RIMS2: variants seen among roughly 807,000 people sequenced by gnomAD.
The protein encoded by RIMS2 is regulating synaptic membrane exocytosis 2, also known as regulating synaptic membrane exocytosis protein 2.
Under a neutral mutation model 174.4 loss-of-function variants are expected in RIMS2, and 59 were observed. The ratio of observed to expected loss-of-function variants is 0.34; its 90% CI spans 0.27 to 0.42. The LOEUF is 0.42. RIMS2 is among the 10% of genes least tolerant of loss of function. RIMS2 has a pLI of 1.00. For synonymous variants in RIMS2, 606 were observed against 572.5 expected (o/e 1.06, Z -0.84); for missense variants, 1,620 against 1,666.3 (o/e 0.97, Z 0.48).
chr8:103,666,829 G>A (rs1180380484), intron 1 of RIMS2, among the ~76,000 whole-genome samples: 1 of 152,124 alleles, frequency 6.6e-6, no homozygotes, highest in African/African-American at 2.4e-5. Context: ...TAGGGCATTA[G>A]CACTACTCTT....
At chr8:104,004,765 G>T (rs914541579) in intron 17 of RIMS2, among the ~76,000 whole-genome samples, 1 of 152,130 alleles carries the variant, frequency 6.6e-6, no homozygotes, top group African/African-American at 2.4e-5. Flanking sequence ...GAGGTCATCA[G>T]ACTAAACACA....
At chr8:103,824,176 T>C (rs974585996) in intron 3 of RIMS2, among the ~76,000 whole-genome samples, 1 of 152,140 alleles carries the variant, frequency 6.6e-6, no homozygotes, top group Non-Finnish European at 1.5e-5. Flanking sequence ...GCATTTTCTT[T>C]ATTGAAAGAA....
At chr8:103,692,912 C>A (rs976649537) in intron 1 of RIMS2, among the ~76,000 whole-genome samples, 1 of 152,212 alleles carries the variant, frequency 6.6e-6, no homozygotes, top group Non-Finnish European at 1.5e-5. Flanking sequence ...CTCCCCTCAT[C>A]CACTGGCTTT....
At chr8:103,863,908 G>GTTTTTTTTT (rs1564980820) in intron 3 of RIMS2, among the ~76,000 whole-genome samples, 18 of 74,688 alleles carry the variant, frequency 2.4e-4, no homozygotes, top group Non-Finnish European at 4.3e-4. Flanking sequence ...TGTTTTTTTT[G>GTTTTTTTTT]TTTGTTTGTT....
rs1046108979 is a variant in RIMS2, at chr8:104,081,681, A to C, written c.3334+67066A>C. 3.3e-5 allele frequency among the ~76,000 whole-genome samples: 5 copies of C among 152,082 alleles called. No individual in the cohort carries two copies. The East Asian group carries it at 9.6e-4, about 29-fold the overall frequency. On this transcript the variant is annotated intron_variant, in intron 19 of 23. Coordinates refer to ENST00000504942, the Ensembl canonical transcript of RIMS2. Reference sequence around the variant, plus strand: ...TAAAAGTGAAAAAAAAGTTTAATGAAAAGAAATAGACCTTATAATAACAAG... The same window carrying C: ...TAAAAGTGAAAAAAAAGTTTAATGACAAGAAATAGACCTTATAATAACAAG...
intron 3 of RIMS2, among the ~76,000 whole-genome samples, chr8:103,864,947 G>T (rs2099077487): frequency 6.6e-6 from 1 of 151,990 alleles, no homozygotes; most frequent in African/African-American, 2.4e-5. Context: ...CATCCAGTAA[G>T]GCAAATGAGT....
intron 1 of RIMS2, among the ~76,000 whole-genome samples, chr8:103,508,927 A>G (rs1825101298): frequency 6.6e-6 from 1 of 152,030 alleles, no homozygotes; most frequent in Non-Finnish European, 1.5e-5. Flanking sequence ...GTAACTGACT[A>G]CTGTACATAA....
At chr8:103,871,855 C>A (rs1345354719) in intron 3 of RIMS2, among the ~76,000 whole-genome samples, 3 of 152,000 alleles carry the variant, frequency 2.0e-5, no homozygotes, top group African/African-American at 7.2e-5. Flanking sequence ...AGAACGAATT[C>A]TTTCTTTCTC....
intron 1 of RIMS2, among the ~76,000 whole-genome samples, chr8:103,612,481 AC>A (rs2095403696): frequency 1.3e-5 from 2 of 152,176 alleles, no homozygotes; most frequent in South Asian, 4.1e-4. Flanking sequence ...GCCCAATACC[AC>A]CGTGGTTCTT....
At chr8:103,891,531 G>A (rs1453244230) in intron 4 of RIMS2, among the ~76,000 whole-genome samples, 1 of 152,024 alleles carries the variant, frequency 6.6e-6, no homozygotes, top group East Asian at 1.9e-4. Context: ...CTGCACAAAA[G>A]ATGCCCCATT....
intron 1 of RIMS2, among the ~76,000 whole-genome samples, chr8:103,621,727 C>G (rs569079149): frequency 6.6e-6 from 1 of 152,232 alleles, no homozygotes; most frequent in Non-Finnish European, 1.5e-5. Context: ...TCTCTGGGAC[C>G]CACAATTTTT....
chr8:103,875,709 T>C (rs2099133053), intron 3 of RIMS2, among the ~76,000 whole-genome samples: 2 of 152,136 alleles, frequency 1.3e-5, no homozygotes, highest in Non-Finnish European at 2.9e-5. Context: ...GAGGCTGTAC[T>C]AATTTACATT....
At chr8:103,808,631 C>T (rs1496853) in intron 3 of RIMS2, among the ~76,000 whole-genome samples, 47,743 of 151,938 alleles carry the variant, frequency 0.31, 8,526 homozygotes, top group East Asian at 0.77. Flanking sequence ...CTTTAGCATT[C>T]TTTGTCTCAG....
chr8:104,246,346 T>A (rs1215590299), intron 20 of RIMS2, among the ~76,000 whole-genome samples: 1 of 152,168 alleles, frequency 6.6e-6, no homozygotes, highest in African/African-American at 2.4e-5. Flanking sequence ...CTTTTTATTT[T>A]TTTTGTTTGT....
intron 10 of RIMS2, among the ~76,000 whole-genome samples, chr8:103,923,155 A>T (rs548710031): frequency 6.6e-6 from 1 of 151,898 alleles, no homozygotes; most frequent in African/African-American, 2.4e-5. Flanking sequence ...TTCTTCTACT[A>T]TACTATAAAA....
intron 3 of RIMS2, among the ~76,000 whole-genome samples, chr8:103,770,795 C>A (rs57633525): frequency 1.3e-5 from 2 of 151,976 alleles, no homozygotes; most frequent in East Asian, 3.9e-4. Context: ...GTCTCTCTTT[C>A]TTCTTTCTTA....
chr8:104,176,333 AAAC>A (rs1368051654), intron 19 of RIMS2, among the ~76,000 whole-genome samples: 1 of 152,094 alleles, frequency 6.6e-6, no homozygotes, highest in African/African-American at 2.4e-5. Flanking sequence ...TTGGTTGTAA[AAAC>A]AAGCTGAATC....
At chr8:103,973,187 CAGTG>C (rs1359230210) in intron 15 of RIMS2, among the ~76,000 whole-genome samples, 1 of 152,200 alleles carries the variant, frequency 6.6e-6, no homozygotes, top group Non-Finnish European at 1.5e-5. Context: ...TATTGGGACA[CAGTG>C]AGAGCACTGG....
At chr8:103,689,302 T>G (rs139585976) in intron 1 of RIMS2, among the ~76,000 whole-genome samples, 467 of 152,240 alleles carry the variant, frequency 3.1e-3, no homozygotes, top group Non-Finnish European at 5.1e-3. Flanking sequence ...GAATGATCCA[T>G]GTGCTGAGGG....
Sources: gnomAD v4.1 joint callset for allele counts (sites outside exome capture counted in the v4.1 genomes callset) on GRCh38, gnomAD v4.1.1 for gene constraint, MANE v1.5 for transcripts, NCBI Gene and HGNC (gene_info 2026-07-23, HGNC 2026-07-21) for gene names.